The following ZSWIM6 variants were observed in gnomAD, a reference collection of about 807,000 sequenced individuals.
ZSWIM6 encodes the protein zinc finger SWIM domain-containing protein 6.
ZSWIM6 carries 9 observed loss-of-function variants against 113.2 expected under a neutral mutation model. The observed-to-expected ratio is 0.08, with a 90% CI of 0.05 to 0.14. ZSWIM6 has a LOEUF of 0.14. ZSWIM6 is among the 10% of genes least tolerant of loss of function. The probability of loss-of-function intolerance (pLI) is 1.00; values close to 1 mark genes in which losing one functional copy is unlikely to be tolerated. For synonymous variants in ZSWIM6, 611 were observed against 606.5 expected (o/e 1.01, Z -0.11); for missense variants, 1,162 against 1,552.2 (o/e 0.75, Z 4.22).
chr5:61,361,686 T>G (rs1453648412), intron 1 of ZSWIM6, among the ~76,000 whole-genome samples: 1 of 152,170 alleles, frequency 6.6e-6, no homozygotes, highest in Non-Finnish European at 1.5e-5. Flanking sequence ...CCCAGAAGAT[T>G]AGAAGCTGTG....
chr5:61,440,830 G>A (rs576674609), intron 1 of ZSWIM6, among the ~76,000 whole-genome samples: 176 of 152,248 alleles, frequency 1.2e-3, no homozygotes, highest in African/African-American at 4.0e-3. Context: ...GGTAGGTACT[G>A]GGGACACAAA....
chr5:61,539,850 G>T, intron 12 of ZSWIM6, 91 bp downstream of exon 12: 1 of 1,245,758 alleles, frequency 8.0e-7, no homozygotes, highest in African/African-American at 1.5e-5. Flanking sequence ...ATTTTTGAGT[G>T]CAGGTAAATG....
At chr5:61,517,191 T>C (rs1189719488) in intron 4 of ZSWIM6, among the ~76,000 whole-genome samples, 1 of 152,118 alleles carries the variant, frequency 6.6e-6, no homozygotes, top group African/African-American at 2.4e-5. Flanking sequence ...TTCTCCAAAT[T>C]TGGGAGGTTT....
Position 61,465,421 on chromosome 5 carries a change from T to TC in ZSWIM6, c.677-7260_677-7259insC, listed in dbSNP as rs199637052. Among the ~76,000 whole-genome samples, 957 of 146,630 alleles carry TC rather than the reference T, an allele frequency of 6.5e-3. 8 individuals carry two copies. Among genetic ancestry groups the TC allele is most frequent in the African/African-American group, 0.021 (827 of 39,874 alleles). ...TTTGGTATGACGGAGTGATATGACT[T>TC]TTTTTTTTTTTTTTCTAGTTCAACA... On this transcript the variant is annotated intron_variant, in intron 1 of 13. Transcript: ENST00000252744.
intron 1 of ZSWIM6, among the ~76,000 whole-genome samples, chr5:61,470,071 G>A (rs753188774): frequency 1.9e-4 from 29 of 152,222 alleles, no homozygotes; most frequent in Non-Finnish European, 2.5e-4. Context: ...AATACTAACT[G>A]GTTTAACGCT....
At chr5:61,500,463 G>A (rs1425600742) in intron 4 of ZSWIM6, among the ~76,000 whole-genome samples, 2 of 151,998 alleles carry the variant, frequency 1.3e-5, no homozygotes, top group African/African-American at 4.8e-5. Flanking sequence ...CTCTCTTCCA[G>A]GTAGTCTCTC....
chr5:61,383,873 C>A (rs1307675377), intron 1 of ZSWIM6, among the ~76,000 whole-genome samples: 1 of 151,148 alleles, frequency 6.6e-6, no homozygotes, highest in Non-Finnish European at 1.5e-5. Flanking sequence ...CATGCTAATA[C>A]CTTTTGGGAT....
In ZSWIM6 at chr5:61,544,449, G is replaced by A. The variant is rs1028299685; in HGVS notation, c.*132G>A. ...TATTATATGTGTATAGTTATATTGC[G>A]TTTGCAGACTAAATTGTCATGTTGT... On this transcript the variant is annotated 3_prime_UTR_variant, in exon 14 of 14. Coordinates refer to ENST00000252744, the MANE Select transcript of ZSWIM6 (RefSeq NM_020928.2). 2.6e-5 allele frequency: 12 copies of A among 462,062 alleles called. No individual in the cohort carries two copies. Among genetic ancestry groups the A allele is most frequent in the African/African-American group, 1.2e-4 (6 of 50,672 alleles). 28.6% of individuals were successfully genotyped at this position (462,062 alleles called of 1,614,324 possible).
chr5:61,447,241 A>G (rs769212815), intron 1 of ZSWIM6, among the ~76,000 whole-genome samples: 8 of 152,164 alleles, frequency 5.3e-5, no homozygotes, highest in Non-Finnish European at 1.0e-4. Context: ...TATTGGGGCC[A>G]AACAGTATTA....
At chr5:61,508,740 C>T (rs974639672) in intron 4 of ZSWIM6, among the ~76,000 whole-genome samples, 6 of 152,088 alleles carry the variant, frequency 3.9e-5, no homozygotes, top group South Asian at 2.1e-4. Context: ...CCAAACCTTA[C>T]GTGACTGGCA....
intron 1 of ZSWIM6, among the ~76,000 whole-genome samples, chr5:61,418,257 GATTTATTT>G (rs983217555): frequency 6.6e-6 from 1 of 151,976 alleles, no homozygotes; most frequent in Admixed American, 6.6e-5. Context: ...ACTAGTCTAT[GATTTATTT>G]ATTTATTTAT....
intron 1 of ZSWIM6, among the ~76,000 whole-genome samples, chr5:61,435,264 C>T (rs1178626393): frequency 6.6e-6 from 1 of 152,000 alleles, no homozygotes; most frequent in Non-Finnish European, 1.5e-5. Flanking sequence ...TTGTTTTTCC[C>T]TTGAAGAGTT....
intron 4 of ZSWIM6, among the ~76,000 whole-genome samples, chr5:61,499,611 T>G (rs773540725): frequency 2.0e-5 from 3 of 152,140 alleles, no homozygotes; most frequent in Non-Finnish European, 2.9e-5. Flanking sequence ...TATGGAGGTG[T>G]GTTGCAGGGA....
At chr5:61,525,031 C>T (rs916117457) in intron 5 of ZSWIM6, among the ~76,000 whole-genome samples, 2 of 152,160 alleles carry the variant, frequency 1.3e-5, no homozygotes, top group African/African-American at 4.8e-5. Flanking sequence ...GAAACTTGAA[C>T]CCTCTTCGGA....
chr5:61,415,357 C>T (rs1746225641), intron 1 of ZSWIM6, among the ~76,000 whole-genome samples: 1 of 152,126 alleles, frequency 6.6e-6, no homozygotes, highest in East Asian at 1.9e-4. Context: ...CTTTGGGAGG[C>T]CGAGGTGGGC....
intron 1 of ZSWIM6, among the ~76,000 whole-genome samples, chr5:61,425,321 T>A (rs563616882): frequency 6.0e-4 from 92 of 152,322 alleles, no homozygotes; most frequent in Non-Finnish European, 1.1e-3. Context: ...ATCTACATTT[T>A]AGGATTGTTA....
intron 1 of ZSWIM6, among the ~76,000 whole-genome samples, chr5:61,447,104 T>C (rs1746970737): frequency 6.6e-6 from 1 of 152,052 alleles, no homozygotes; most frequent in Non-Finnish European, 1.5e-5. Flanking sequence ...CATCATGTAC[T>C]AAGCAGGCCC....
Position 61,332,713 on chromosome 5 carries a change from GGGCGGC to G in ZSWIM6, c.457_462del (p.Gly153_Gly154del), listed in dbSNP as rs864309616. 4.8e-3 allele frequency: 4,439 copies of G among 928,316 alleles called. 23 individuals are homozygous for G. The highest frequency in any genetic ancestry group is 0.021 in the South Asian group (425 of 20,672). 57.5% of individuals were successfully genotyped at this position (928,316 alleles called of 1,614,324 possible). ...ACGACAGCGGTGGCGGCGGCGGCGC[GGGCGGC>G]GGCGGCGGCGGCGGCTCCTCGTCTT... is the stretch of plus-strand genomic sequence containing the variant. On this transcript the variant is annotated inframe_deletion, in exon 1 of 14. Coordinates refer to ENST00000252744, the MANE Select transcript of ZSWIM6 (RefSeq NM_020928.2).
intron 1 of ZSWIM6, among the ~76,000 whole-genome samples, chr5:61,355,235 C>A (rs1744873703): frequency 1.3e-5 from 2 of 152,000 alleles, no homozygotes; most frequent in Non-Finnish European, 2.9e-5. Flanking sequence ...GTTCTCAAGC[C>A]CAGGAGATGA....
Sources: allele counts gnomAD v4.1 joint callset (sites outside exome capture counted in the v4.1 genomes callset), GRCh38; gene constraint gnomAD v4.1.1; transcripts MANE v1.5; gene names NCBI Gene and HGNC (gene_info 2026-07-23, HGNC 2026-07-21).